Variants in FZD3 observed in about 807,000 individuals in gnomAD.
The protein encoded by FZD3 is frizzled class receptor 3.
Under a neutral mutation model 60.7 loss-of-function variants are expected in FZD3, and 30 were observed. The observed-to-expected ratio is 0.49, with a 90% CI of 0.37 to 0.67. The LOEUF (loss-of-function observed/expected upper bound fraction) is 0.67. FZD3 is among the 30% of genes least tolerant of loss of function. The pLI, the probability that FZD3 is intolerant of heterozygous loss-of-function variation, is 0.00. For synonymous variants in FZD3, 246 were observed against 275.2 expected (o/e 0.89, Z 1.05); for missense variants, 605 against 838.7 (o/e 0.72, Z 3.44).
intron 3 of FZD3, among the ~76,000 whole-genome samples, chr8:28,505,352 C>CT (rs1804108407): frequency 6.6e-6 from 1 of 151,510 alleles, no homozygotes. Flanking sequence ...TTCCTTTTTT[C>CT]TTTTTTTATT....
chr8:28,545,463 A>G (rs2130444023), intron 5 of FZD3, among the ~76,000 whole-genome samples: 1 of 152,232 alleles, frequency 6.6e-6, no homozygotes, highest in South Asian at 2.1e-4. Flanking sequence ...AGGGAGGGAA[A>G]CAGAAAGAGA....
intron 5 of FZD3, among the ~76,000 whole-genome samples, chr8:28,551,077 C>CATCT (rs144635829): frequency 6.6e-6 from 1 of 152,042 alleles, no homozygotes; most frequent in Non-Finnish European, 1.5e-5. Context: ...AAATATCTAT[C>CATCT]ATCTATCTAG....
At chr8:28,508,865 C>T (rs1230385194) in intron 3 of FZD3, among the ~76,000 whole-genome samples, 1 of 152,142 alleles carries the variant, frequency 6.6e-6, no homozygotes, top group Non-Finnish European at 1.5e-5. Flanking sequence ...TTTTGTTTCT[C>T]TACTCTCTTA....
chr8:28,502,420 T>C (rs1804020737), intron 2 of FZD3, among the ~76,000 whole-genome samples: 1 of 152,156 alleles, frequency 6.6e-6, no homozygotes, highest in African/African-American at 2.4e-5. Flanking sequence ...ACATGAGAAG[T>C]TGAACCATGT....
intron 5 of FZD3, among the ~76,000 whole-genome samples, chr8:28,547,856 C>CTT (rs1336981470): frequency 1.4e-5 from 2 of 141,826 alleles, no homozygotes; most frequent in African/African-American, 5.1e-5. Context: ...ACAGTTGTCT[C>CTT]TTTTTTTTTT....
At position 28,527,521 on chromosome 8, in the gene FZD3, T is replaced by G. The variant is rs144746315; in HGVS notation, c.761T>G (p.Ile254Ser). 6.2e-7 allele frequency: 1 copy of G among 1,613,976 alleles called. No individual in the cohort carries two copies. Among genetic ancestry groups the G allele is most frequent in the Non-Finnish European group, 8.5e-7 (1 of 1,179,962 alleles). The stretch of plus-strand genomic sequence containing the variant: ...ATGATGGTATCCTTAATTTTCTTCA[T>G]TGGATTTTTGCTTGAAGATCGAGTA... ...CYMMVSLIFF[I>S]GFLLEDRVAC... The change falls in exon 5 of 8, where the codon ATT becomes AGT. Residue 254 changes from isoleucine (I) to serine (S), a missense_variant. Physicochemically the swap from Ile to Ser is moderately radical, Grantham distance 142. Coordinates refer to ENST00000240093, the MANE Select transcript of FZD3 (RefSeq NM_017412.4). This position sits in a 1 kb window ranked among gnomAD's most constrained non-coding sequence, Gnocchi z 5.0.
rs1804734665 is a variant in FZD3, at chr8:28,527,160, G to A, written c.400G>A (p.Asp134Asn). The A allele has an allele frequency of 1.2e-6, 2 of 1,606,696 alleles. No individual in the cohort carries two copies. Among genetic ancestry groups the A allele is most frequent in the African/African-American group, 2.7e-5 (2 of 74,316 alleles). The change falls in exon 5 of 8, where the codon GAT becomes AAT. Residue 134 changes from aspartate (D) to asparagine (N), a missense_variant. Coordinates refer to ENST00000240093, the MANE Select transcript of FZD3 (RefSeq NM_017412.4). This position sits in a 1 kb window ranked among gnomAD's most constrained non-coding sequence, Gnocchi z 5.0. Reference protein sequence around the residue: ...DMECSRFPDCDEPYPRLVDLN... With the variant: ...DMECSRFPDCNEPYPRLVDLN... Reference sequence around the variant, plus strand: ...TTTGTTTTTTAGGTTCCCAGATTGTGATGAGCCATATCCTCGACTTGTGGA... The same window carrying A: ...TTTGTTTTTTAGGTTCCCAGATTGTAATGAGCCATATCCTCGACTTGTGGA...
At chr8:28,510,391 G>A (rs764996444) in intron 3 of FZD3, among the ~76,000 whole-genome samples, 2 of 152,150 alleles carry the variant, frequency 1.3e-5, no homozygotes, top group East Asian at 3.8e-4. Flanking sequence ...CCTCTCTATA[G>A]GGGTTGTACT....
chr8:28,515,397 G>C (rs969573552), intron 3 of FZD3, among the ~76,000 whole-genome samples: 1 of 152,192 alleles, frequency 6.6e-6, no homozygotes, highest in Non-Finnish European at 1.5e-5. Context: ...AGGAAGTAAA[G>C]TACACTTGGA....
In FZD3 at chr8:28,556,068, A is replaced by G. The variant is rs1376260346; in HGVS notation, c.1787+97A>G. On this transcript the variant is annotated intron_variant, in intron 7 of 7. Coordinates refer to ENST00000240093, the MANE Select transcript of FZD3 (RefSeq NM_017412.4). Reference sequence around the variant, plus strand: ...GCCAATTCTGAAATAGAAGTCGAACATAATTAAGCCTTTGAACTTTGCTAG... The same window carrying G: ...GCCAATTCTGAAATAGAAGTCGAACGTAATTAAGCCTTTGAACTTTGCTAG... 6.3e-6 allele frequency: 5 copies of G among 797,696 alleles called. No homozygotes were observed. In the East Asian group the frequency reaches 1.1e-4, roughly 17 times the overall value. The allele number at this position is 797,696 out of a possible 1,614,324, so 49.4% of individuals were successfully genotyped here. A position where few individuals can be genotyped will look rare whatever the true frequency, so the allele number is the denominator to read the frequency against.
chr8:28,527,837 C>G lies in FZD3; in HGVS notation c.1077C>G (p.Gly359=). 1 of 1,613,892 alleles carries G rather than the reference C, an allele frequency of 6.2e-7. No individual in the cohort carries two copies. The highest frequency in any genetic ancestry group is 1.6e-4 in the Middle Eastern group (1 of 6,062). The change falls in exon 5 of 8, where the codon GGC becomes GGG. Residue 359 remains glycine (G), a synonymous_variant. Coordinates refer to ENST00000240093, the MANE Select transcript of FZD3 (RefSeq NM_017412.4). The surrounding 1 kb of genome is among the most constrained non-coding windows in gnomAD (Gnocchi z 5.0). ...AAATTGAAGGTGACAATATTAGTGG[C>G]GTGTGTTTTGTTGGCCTCTACGATG... ...MNKIEGDNIS[G]VCFVGLYDVD... is the part of the protein sequence containing the mutation.
At chr8:28,529,360 T>C (rs950661167) in intron 5 of FZD3, among the ~76,000 whole-genome samples, 1 of 152,330 alleles carries the variant, frequency 6.6e-6, no homozygotes, top group Admixed American at 6.5e-5. Flanking sequence ...CTAATACTTT[T>C]AAATACCTTT....
intron 5 of FZD3, among the ~76,000 whole-genome samples, chr8:28,538,190 A>C (rs1805068429): frequency 6.6e-6 from 1 of 151,478 alleles, no homozygotes; most frequent in Admixed American, 6.6e-5. Flanking sequence ...TAAATAAATA[A>C]AAATGAATTC....
intron 5 of FZD3, among the ~76,000 whole-genome samples, chr8:28,540,466 A>G (rs1419929936): frequency 6.6e-6 from 1 of 152,176 alleles, no homozygotes; most frequent in Non-Finnish European, 1.5e-5. Context: ...ACCTCAGGTG[A>G]TCCACTGGCC....
chr8:28,534,191 G>A (rs1804952159), intron 5 of FZD3, among the ~76,000 whole-genome samples: 1 of 152,064 alleles, frequency 6.6e-6, no homozygotes, highest in Non-Finnish European at 1.5e-5. Context: ...GAAGACCAGC[G>A]ACCTGTTTTT....
chr8:28,519,747 A>AC (rs1804524210), intron 3 of FZD3, among the ~76,000 whole-genome samples: 1 of 131,884 alleles, frequency 7.6e-6, no homozygotes, highest in African/African-American at 2.7e-5. Flanking sequence ...AAAAAAAAAA[A>AC]ACCAAGAAAA....
intron 3 of FZD3, among the ~76,000 whole-genome samples, chr8:28,519,194 GT>G (rs1410402423): frequency 1.3e-5 from 2 of 152,222 alleles, no homozygotes; most frequent in East Asian, 3.9e-4. Flanking sequence ...AGGCCTGGTG[GT>G]AAGAATATCT....
At chr8:28,538,398 A>G (rs1805075064) in intron 5 of FZD3, among the ~76,000 whole-genome samples, 1 of 152,170 alleles carries the variant, frequency 6.6e-6, no homozygotes, top group Admixed American at 6.5e-5. Flanking sequence ...TCAACAATTT[A>G]CACACATCAT....
At chr8:28,528,600 C>T (rs574749281) in intron 5 of FZD3, among the ~76,000 whole-genome samples, 1 of 152,240 alleles carries the variant, frequency 6.6e-6, no homozygotes, top group South Asian at 2.1e-4. Context: ...TTCTTCTTTG[C>T]ATACTGAATA....
Sources: gnomAD v4.1 joint callset for allele counts (sites outside exome capture counted in the v4.1 genomes callset) on GRCh38, gnomAD v4.1.1 for gene constraint, Gnocchi (gnomAD v3.1) non-coding constraint, MANE v1.5 for transcripts, NCBI Gene and HGNC (gene_info 2026-07-23, HGNC 2026-07-21) for gene names.